Variants in ZNF705G observed in about 807,000 individuals in gnomAD.
The protein encoded by ZNF705G is zinc finger protein 705G.
Under a neutral mutation model 19.6 loss-of-function variants are expected in ZNF705G, and 23 were observed. The observed-to-expected ratio is 1.17, with a 90% CI of 0.84 to 1.66. The LOEUF (loss-of-function observed/expected upper bound fraction) is 1.66, where lower values mean the gene tolerates loss of function less well. Ranked by LOEUF, ZNF705G falls within the 40% of genes most tolerant of loss-of-function variation. The pLI is 0.00. For synonymous variants in ZNF705G, 146 were observed against 117.7 expected (o/e 1.24, Z -1.56); for missense variants, 457 against 354.4 (o/e 1.29, Z -2.32).
chr8:7,361,039 C>T, intron 4 of ZNF705G, 71 bp downstream of exon 4: 2 of 1,590,538 alleles, frequency 1.3e-6, no homozygotes, highest in African/African-American at 1.4e-5. Flanking sequence ...TATGGGGAAG[C>T]TGTTTTAACA....
At chr8:7,379,136 T>G (rs1807374259) in intron 2 of ZNF705G, among the ~76,000 whole-genome samples, 1 of 149,772 alleles carries the variant, frequency 6.7e-6, no homozygotes, top group African/African-American at 2.6e-5. Context: ...GTATGTTAGC[T>G]GGATTTTATT....
rs544675875 is a variant in ZNF705G, at chr8:7,365,139, T to C, written c.-71-2122A>G. ...TTTCATAAAGGACTCTTGTGTGGAA[T>C]CTATAAAAACTATTTCAAGATGTAG... On this transcript the variant is annotated intron_variant, in intron 2 of 6. Coordinates refer to ENST00000400156, the MANE Select transcript of ZNF705G (RefSeq NM_001164457.3). 4.0e-5 allele frequency among the ~76,000 whole-genome samples: 6 copies of C among 149,716 alleles called. No homozygotes were observed. The East Asian group carries it at 1.2e-3, about 29-fold the overall frequency.
chr8:7,381,972 G>A (rs1807518598), intron 1 of ZNF705G, among the ~76,000 whole-genome samples: 2 of 152,208 alleles, frequency 1.3e-5, no homozygotes, highest in Admixed American at 1.3e-4. Flanking sequence ...CTTAAATCCA[G>A]AAGCAGCAGT....
At chr8:7,360,643 T>C (rs1474086165) in intron 4 of ZNF705G, among the ~76,000 whole-genome samples, 2 of 149,520 alleles carry the variant, frequency 1.3e-5, no homozygotes, top group South Asian at 2.1e-4. Flanking sequence ...ATTATATCTC[T>C]GCACAGTGTG....
chr8:7,363,884 C>T (rs1451280942), intron 2 of ZNF705G, among the ~76,000 whole-genome samples: 1 of 149,360 alleles, frequency 6.7e-6, no homozygotes, highest in Non-Finnish European at 1.5e-5. Flanking sequence ...CTTAGAGGGT[C>T]AACACTCCCA....
chr8:7,370,527 C>A (rs1807057453), intron 2 of ZNF705G, among the ~76,000 whole-genome samples: 1 of 148,190 alleles, frequency 6.7e-6, no homozygotes. Flanking sequence ...TTTCAGATAA[C>A]AGTATGAAGG....
At chr8:7,361,804 A>C (rs112333095) in intron 3 of ZNF705G, among the ~76,000 whole-genome samples, 2 of 51,220 alleles carry the variant, frequency 3.9e-5, no homozygotes, top group East Asian at 4.1e-4. Context: ...CTTATTCATT[A>C]AAAAGTTAGA....
rs200239642 is a variant in ZNF705G, at chr8:7,358,082, C to A, written c.797G>T (p.Ser266Ile). Residue 266 changes from serine (S) to isoleucine (I), a missense_variant, in exon 7 of 7, where the codon AGT becomes ATT. Transcript: ENST00000400156. ...GTTTCCTCTAAAGCCAGAGCTTTGA[C>A]TAAAGGCTTTCCCACTTTTATCACA... ...YECDKSGKAF[S>I]QSSGFRGNKI... The A allele has an allele frequency of 1.9e-5, 31 of 1,608,114 alleles. No individual in the cohort carries two copies. The East Asian group carries it at 5.6e-4, about 29-fold the overall frequency.
chr8:7,358,508 T>A lies in ZNF705G; in HGVS notation c.371A>T (p.Asp124Val), dbSNP rs745637160. Residue 124 changes from aspartate (D) to valine (V), a missense_variant, in exon 7 of 7, where the codon GAT becomes GTT. Coordinates refer to ENST00000400156, the MANE Select transcript of ZNF705G (RefSeq NM_001164457.3). ...DPFECNDSGEDCTRSSTITQC... is the reference protein window; with the variant it reads ...DPFECNDSGEVCTRSSTITQC... ...AGTTATTGTGGAACTGCGAGTGCAA[T>A]CTTCTCCCGAATCATTACATTCAAA... 4 of 1,607,614 alleles carry A rather than the reference T, an allele frequency of 2.5e-6. No homozygotes were observed. Among genetic ancestry groups the A allele is most frequent in the Non-Finnish European group, 3.4e-6 (4 of 1,179,582 alleles).
intron 2 of ZNF705G, among the ~76,000 whole-genome samples, chr8:7,368,188 G>A (rs376977852): frequency 6.7e-6 from 1 of 149,556 alleles, no homozygotes; most frequent in Admixed American, 6.6e-5. Flanking sequence ...CTTCATTCTG[G>A]AGACACTCCC....
At chr8:7,367,745 C>G (rs529493098) in intron 2 of ZNF705G, among the ~76,000 whole-genome samples, 2 of 149,808 alleles carry the variant, frequency 1.3e-5, no homozygotes, top group South Asian at 4.2e-4. Context: ...AACTTCCACT[C>G]CTGCTCTGAA....
At chr8:7,381,032 A>C (rs1185925900) in intron 2 of ZNF705G, among the ~76,000 whole-genome samples, 1 of 133,386 alleles carries the variant, frequency 7.5e-6, no homozygotes, top group Non-Finnish European at 1.5e-5. Context: ...CCACCAAAAA[A>C]AAAAAAAAAA....
intron 4 of ZNF705G, 63 bp downstream of exon 4, chr8:7,361,047 A>C: frequency 6.3e-7 from 1 of 1,591,884 alleles, no homozygotes; most frequent in Non-Finnish European, 8.5e-7. Flanking sequence ...AGCTGTTTTA[A>C]CACTTATTGA....
At chr8:7,361,495 G>A (rs1806593563) in intron 3 of ZNF705G, among the ~76,000 whole-genome samples, 1 of 149,636 alleles carries the variant, frequency 6.7e-6, no homozygotes, top group African/African-American at 2.6e-5. Context: ...ATATTTTTCA[G>A]TAATGTGTTA....
rs1415061008 is a variant in ZNF705G, at chr8:7,375,668, G to A, written c.-72+5784C>T. On this transcript the variant is annotated intron_variant, in intron 2 of 6. Coordinates refer to ENST00000400156, the MANE Select transcript of ZNF705G (RefSeq NM_001164457.3). ...CACATGATTCAAAGACCTCTGAACC[G>A]AGAGTAACAACAAATTTCTGCACAA... Among the ~76,000 whole-genome samples the A allele has an allele frequency of 8.5e-5, 8 of 94,220 alleles. 3 individuals are homozygous for A. Among genetic ancestry groups the A allele is most frequent in the African/African-American group, 9.8e-5 (2 of 20,344 alleles). The allele number at this position is 94,220 out of a possible 152,430, so 61.8% of individuals were successfully genotyped here.
chr8:7,383,733 C>A (rs570549428), intron 1 of ZNF705G, among the ~76,000 whole-genome samples: 2 of 149,498 alleles, frequency 1.3e-5, no homozygotes, highest in East Asian at 3.9e-4. Flanking sequence ...CCTGAAGGAG[C>A]TCGTTTGTAC....
intron 1 of ZNF705G, among the ~76,000 whole-genome samples, chr8:7,383,113 G>A (rs1807573525): frequency 7.1e-6 from 1 of 140,738 alleles, no homozygotes; most frequent in Admixed American, 7.0e-5. Context: ...CCTTGGTTGA[G>A]TTCAATGTTT....
At chr8:7,382,333 A>G (rs1233638874) in intron 1 of ZNF705G, among the ~76,000 whole-genome samples, 1 of 147,558 alleles carries the variant, frequency 6.8e-6, no homozygotes, top group African/African-American at 2.7e-5. Flanking sequence ...CTCCTATTCA[A>G]ATAGAAAGTC....
At chr8:7,385,121 G>A (rs1341652556) in intron 1 of ZNF705G, among the ~76,000 whole-genome samples, 29 of 148,100 alleles carry the variant, frequency 2.0e-4, no homozygotes, top group Non-Finnish European at 2.4e-4. Flanking sequence ...GAACAGGGTC[G>A]TGCATAAAAG....
Sources: gnomAD v4.1 joint callset for allele counts (sites outside exome capture counted in the v4.1 genomes callset) on GRCh38, gnomAD v4.1.1 for gene constraint, MANE v1.5 for transcripts, NCBI Gene and HGNC (gene_info 2026-07-23, HGNC 2026-07-21) for gene names.